UBE2D3: variants seen among roughly 807,000 people sequenced by gnomAD.
UBE2D3 encodes ubiquitin conjugating enzyme E2 D3.
In UBE2D3, 2 loss-of-function variants were observed where a neutral mutation model predicts 22.8. That is an observed-to-expected ratio of 0.09 (90% CI 0.04 to 0.28). UBE2D3 has a LOEUF of 0.28. Among genes scored for constraint, UBE2D3 ranks in the 10% least tolerant of loss-of-function variants. UBE2D3 has a pLI of 1.00. For synonymous variants in UBE2D3, 56 were observed against 60.4 expected (o/e 0.93, Z 0.34); for missense variants, 27 against 182.5 (o/e 0.15, Z 4.91).
At chr4:102,798,999 GCATT>G (rs1725694525) in intron 7 of UBE2D3, 4 of 1,599,088 alleles carry the variant, frequency 2.5e-6, no homozygotes, top group Non-Finnish European at 3.4e-6. Flanking sequence ...AGTACACTTA[GCATT>G]AATTATAACA....
intron 1 of UBE2D3, among the ~76,000 whole-genome samples, chr4:102,833,517 T>TA (rs1277871232): frequency 6.6e-6 from 1 of 152,220 alleles, no homozygotes; most frequent in Non-Finnish European, 1.5e-5. Flanking sequence ...TATAGATTAC[T>TA]AAAATCACAA....
At chr4:102,825,133 G>A in intron 2 of UBE2D3, 1 of 523,224 alleles carries the variant, frequency 1.9e-6, no homozygotes, top group South Asian at 8.2e-5. Context: ...TTAAATACAG[G>A]CAAATGTAGT....
chr4:102,853,135 ATTTTTTTTT>A (rs151339235), intron 1 of UBE2D3, among the ~76,000 whole-genome samples: 5 of 88,598 alleles, frequency 5.6e-5, no homozygotes, highest in South Asian at 7.7e-4. Flanking sequence ...AAACACACAC[ATTTTTTTTT>A]TTTTTTTTTT....
intron 1 of UBE2D3, among the ~76,000 whole-genome samples, chr4:102,852,209 T>A (rs185976916): frequency 6.6e-6 from 1 of 152,346 alleles, no homozygotes; most frequent in Non-Finnish European, 1.5e-5. Flanking sequence ...AAGCCACATA[T>A]TCACATATTG....
chr4:102,821,037 A>G (rs1374289699), intron 2 of UBE2D3, among the ~76,000 whole-genome samples: 3 of 152,194 alleles, frequency 2.0e-5, no homozygotes, highest in African/African-American at 7.2e-5. Context: ...CCTTCCCTAC[A>G]TAACAAGGTT....
In UBE2D3 at chr4:102,794,825, T is replaced by G. The variant is rs1333692064; in HGVS notation, c.*2590A>C. Reference sequence around the variant, plus strand: ...GCAAACTCGCCCAGGAAAAACAAACTGAGTCATTTAAAATGTAAATTTACC... The same window carrying G: ...GCAAACTCGCCCAGGAAAAACAAACGGAGTCATTTAAAATGTAAATTTACC... On this transcript the variant is annotated 3_prime_UTR_variant, in exon 8 of 8. Coordinates refer to ENST00000453744, the MANE Select transcript of UBE2D3 (RefSeq NM_181891.3). 6.6e-6 allele frequency: 1 copy of G among 151,992 alleles called. No individual in the cohort carries two copies. The highest frequency in any genetic ancestry group is 1.5e-5 in the Non-Finnish European group (1 of 67,936). 9.4% of individuals were successfully genotyped at this position (151,992 alleles called of 1,614,324 possible).
At chr4:102,816,020 T>C (rs534852142) in intron 2 of UBE2D3, among the ~76,000 whole-genome samples, 4 of 152,314 alleles carry the variant, frequency 2.6e-5, no homozygotes, top group East Asian at 3.9e-4. Flanking sequence ...TAACATTATA[T>C]GCCCACAGAA....
intron 4 of UBE2D3, among the ~76,000 whole-genome samples, chr4:102,803,801 C>G (rs1227364596): frequency 6.6e-6 from 1 of 152,236 alleles, no homozygotes; most frequent in Non-Finnish European, 1.5e-5. Context: ...CGGAGTCTCA[C>G]TCTGTCGCTC....
intron 1 of UBE2D3, among the ~76,000 whole-genome samples, chr4:102,847,550 G>T (rs568115540): frequency 6.6e-6 from 1 of 152,188 alleles, no homozygotes; most frequent in African/African-American, 2.4e-5. Context: ...GCCTCCCAAA[G>T]TGCTGGGATT....
chr4:102,815,116 T>G (rs1171829681), intron 2 of UBE2D3, among the ~76,000 whole-genome samples: 1 of 152,144 alleles, frequency 6.6e-6, no homozygotes. Context: ...CAATCTTGGC[T>G]CACTGCAACC....
upstream of UBE2D3, among the ~76,000 whole-genome samples, chr4:102,830,447 T>C (rs1273757999): frequency 5.3e-5 from 8 of 152,220 alleles, no homozygotes; most frequent in Non-Finnish European, 1.2e-4. Context: ...TGTTGAAAAT[T>C]TAATTAACTA....
At chr4:102,816,939 T>C (rs910270156) in intron 2 of UBE2D3, among the ~76,000 whole-genome samples, 1 of 152,152 alleles carries the variant, frequency 6.6e-6, no homozygotes. Flanking sequence ...AATTATACTT[T>C]AACAACCTAC....
chr4:102,824,599 A>G (rs223392), intron 2 of UBE2D3, among the ~76,000 whole-genome samples: 87,406 of 152,100 alleles, frequency 0.57, 26,414 homozygotes, highest in African/African-American at 0.78. Flanking sequence ...TACACTCTTA[A>G]CCACTGTTAT....
intron 4 of UBE2D3, 131 bp from the exon 5 acceptor site, chr4:102,802,769 C>T: frequency 1.7e-6 from 1 of 571,660 alleles, no homozygotes; most frequent in South Asian, 3.9e-5. Context: ...ATAATCTATT[C>T]CATGAAAATT....
chr4:102,827,390 TC>T, intron 1 of UBE2D3, 36 bp downstream of exon 1: 1 of 986,008 alleles, frequency 1.0e-6, no homozygotes. Context: ...TGGGCCGGCC[TC>T]CCTTCCCTGC....
rs1725370496 is a variant in UBE2D3 at position 102,797,343 on chromosome 4, A to G, written c.*72T>C. ...CTGATAGGGGAGCAGCCGGATAAGA[A>G]AATCAAAAAAGGAACAGTAATTTAA... On this transcript the variant is annotated 3_prime_UTR_variant, in exon 8 of 8. Transcript: ENST00000453744. 4 of 1,374,192 alleles carry G rather than the reference A, an allele frequency of 2.9e-6. No homozygotes were observed. The South Asian group carries it at 5.2e-5, about 18-fold the overall frequency. 85.1% of individuals were successfully genotyped at this position (1,374,192 alleles called of 1,614,324 possible). A position where few individuals can be genotyped will look rare whatever the true frequency, so the allele number is the denominator to read the frequency against.
chr4:102,797,535 C>T, intron 7 of UBE2D3, 75 bp from the exon 8 acceptor site: 1 of 1,237,092 alleles, frequency 8.1e-7, no homozygotes, highest in Non-Finnish European at 1.2e-6. Flanking sequence ...GAAAGATTTC[C>T]ATTTTATCAT....
At chr4:102,827,305 T>G in intron 1 of UBE2D3, 122 bp downstream of exon 1, 1 of 923,734 alleles carries the variant, frequency 1.1e-6, no homozygotes, top group Non-Finnish European at 1.3e-6. Flanking sequence ...CTTCCCACCC[T>G]AACCCACCGC....
chr4:102,857,503 TTA>T (rs2110375195), intron 1 of UBE2D3, among the ~76,000 whole-genome samples: 1 of 152,146 alleles, frequency 6.6e-6, no homozygotes, highest in African/African-American at 2.4e-5. Flanking sequence ...TGCATAAAAA[TTA>T]TGAGAACAAA....
Sources: gnomAD v4.1 joint callset for allele counts (sites outside exome capture counted in the v4.1 genomes callset) on GRCh38, gnomAD v4.1.1 for gene constraint, MANE v1.5 for transcripts, NCBI Gene and HGNC (gene_info 2026-07-23, HGNC 2026-07-21) for gene names.